ZXDC: variants seen among roughly 807,000 people sequenced by gnomAD.
ZXDC encodes ZXD family zinc finger C, also known as zinc finger protein ZXDC.
In ZXDC, 58 loss-of-function variants were observed where a neutral mutation model predicts 63.6. The ratio of observed to expected loss-of-function variants is 0.91; its 90% CI spans 0.74 to 1.13. The LOEUF (loss-of-function observed/expected upper bound fraction) is 1.13. Among genes scored for constraint, ZXDC ranks in the 50% most tolerant of loss-of-function variants. ZXDC has a pLI of 0.00. For missense variants in ZXDC, 1,133 were observed against 1,148.9 expected, an observed-to-expected ratio of 0.99 and a Z score of 0.20; for synonymous variants, 561 against 496.1, an observed-to-expected ratio of 1.13 and a Z score of -1.74.
At chr3:126,441,602 G>C in intron 8 of ZXDC, 163 bp downstream of exon 8, 1 of 1,354,616 alleles carries the variant, frequency 7.4e-7, no homozygotes, top group Non-Finnish European at 9.5e-7. Context: ...GCTGGGCTGT[G>C]AGGAGACAGG....
intron 7 of ZXDC, among the ~76,000 whole-genome samples, chr3:126,446,744 A>G (rs572660094): frequency 1.5e-3 from 219 of 145,180 alleles, no homozygotes; most frequent in Non-Finnish European, 2.6e-3. Context: ...TAAAGATATA[A>G]TATGTTAATA....
At chr3:126,473,923 C>G (rs1347641286) in intron 1 of ZXDC, among the ~76,000 whole-genome samples, 1 of 152,144 alleles carries the variant, frequency 6.6e-6, no homozygotes, top group Non-Finnish European at 1.5e-5. Context: ...AGGGAGGAAT[C>G]CTTTCTTGCC....
chr3:126,449,554 G>A (rs939707549), intron 7 of ZXDC, among the ~76,000 whole-genome samples: 9 of 152,226 alleles, frequency 5.9e-5, no homozygotes, highest in Non-Finnish European at 1.3e-4. Context: ...CTGACCCTAC[G>A]ACTGATGCTT....
intron 6 of ZXDC, chr3:126,460,019 A>T: frequency 2.0e-6 from 2 of 985,440 alleles, no homozygotes; most frequent in Non-Finnish European, 2.4e-6. Flanking sequence ...AAACTTTTAA[A>T]ATCAATTACA....
In ZXDC at chr3:126,470,204, C is replaced by A. The variant is rs143025510; in HGVS notation, c.1270+691G>T. ...AAGTCAGGTTGGGCGTGGTGGCTCA[C>A]ACCTGTAATCCCAGCACTTTGGGAG... On this transcript the variant is annotated intron_variant, in intron 4 of 9. Coordinates refer to ENST00000389709, the MANE Select transcript of ZXDC (RefSeq NM_025112.5). 3.9e-3 allele frequency among the ~76,000 whole-genome samples: 599 copies of A among 152,324 alleles called. 1 individual carries two copies. Among genetic ancestry groups the A allele is most frequent in the African/African-American group, 0.014 (566 of 41,570 alleles).
Position 126,459,684 on chromosome 3 carries a change from T to A in ZXDC, c.2181A>T (p.Glu727Asp). 1.2e-6 allele frequency: 2 copies of A among 1,614,234 alleles called. No individual in the cohort carries two copies. Among genetic ancestry groups the A allele is most frequent in the South Asian group, 1.1e-5 (1 of 91,092 alleles). Reference protein sequence around the residue: ...TDYRAIQLAKEKKQRGAGSNA... With the variant: ...TDYRAIQLAKDKKQRGAGSNA... ...TGCTCCCCGCTCCTCTCTGCTTTTT[T>A]TCCTTGGCTAGTTGAATGGCTCGGT... The change falls in exon 7 of 10, where the codon GAA (glutamate) becomes GAT (aspartate). Residue 727 changes from glutamate (E) to aspartate (D), a missense_variant. Transcript: ENST00000389709.
At chr3:126,460,491 C>T (rs1464381753) in intron 6 of ZXDC, 2 of 984,084 alleles carry the variant, frequency 2.0e-6, no homozygotes, top group East Asian at 2.3e-4. Flanking sequence ...GGCTTCTCTA[C>T]CTCCACCCAC....
In ZXDC at chr3:126,441,787, C is replaced by T. The variant is rs1933687752; in HGVS notation, c.2372G>A (p.Gly791Asp). Residue 791 changes from glycine to aspartate, a missense_variant, in exon 8 of 10, where the codon GGC becomes GAC. Coordinates refer to ENST00000389709, the MANE Select transcript of ZXDC (RefSeq NM_025112.5). The part of the protein sequence containing the change: ...PAAGVQCGAQ[G>D]VQVQLVQDDP... Reference sequence around the variant, plus strand: ...CACCTGCACCAGCTGGACCTGGACGCCCTGCGCCCCGCACTGCACCCCAGC... The same window carrying T: ...CACCTGCACCAGCTGGACCTGGACGTCCTGCGCCCCGCACTGCACCCCAGC... The T allele has an allele frequency of 1.2e-6, 2 of 1,606,022 alleles. No homozygotes were observed. The highest frequency in any genetic ancestry group is 1.3e-5 in the African/African-American group (1 of 74,780).
chr3:126,462,133 T>C lies in ZXDC; in HGVS notation c.1529A>G (p.Asp510Gly). ...TGTGTCAGAGAAGAGTGCAGCAAGA[T>C]CCATGTTAGTGAGCTCACTTTGGCC... is the stretch of plus-strand genomic sequence containing the variant. ...SPGQSELTNM[D>G]LAALFSDTPA... Residue 510 changes from aspartate to glycine, a missense_variant, in exon 6 of 10, where the codon GAT becomes GGT. Transcript: ENST00000389709. 6.2e-7 allele frequency: 1 copy of C among 1,613,582 alleles called. No homozygotes were observed. The highest frequency in any genetic ancestry group is 8.5e-7 in the Non-Finnish European group (1 of 1,180,016).
chr3:126,451,809 C>A (rs1934111994), intron 7 of ZXDC: 9 of 985,370 alleles, frequency 9.1e-6, no homozygotes, highest in Non-Finnish European at 1.1e-5. Context: ...TCTGCTGATA[C>A]ACTCTGGGAA....
chr3:126,446,293 A>G (rs1933879308), intron 7 of ZXDC, among the ~76,000 whole-genome samples: 1 of 152,208 alleles, frequency 6.6e-6, no homozygotes, highest in Admixed American at 6.5e-5. Flanking sequence ...CTATCTAGGT[A>G]TGATGGTAAA....
chr3:126,443,809 T>C (rs545343142), intron 7 of ZXDC, among the ~76,000 whole-genome samples: 2 of 152,202 alleles, frequency 1.3e-5, no homozygotes, highest in Non-Finnish European at 2.9e-5. Context: ...TGGTTTGAAC[T>C]GTTACAACTG....
intron 7 of ZXDC, among the ~76,000 whole-genome samples, chr3:126,447,009 CT>C: frequency 6.6e-6 from 1 of 152,310 alleles, no homozygotes; most frequent in East Asian, 1.9e-4. Context: ...AGTGCTCACC[CT>C]TTGCTTAGGG....
Position 126,472,303 on chromosome 3 carries a change from A to G in ZXDC, c.910T>C (p.Cys304Arg). 1 of 1,604,614 alleles carries G rather than the reference A, an allele frequency of 6.2e-7. No homozygotes were observed. Reference sequence around the variant, plus strand: ...CTCACTGTGATAAATGTCTTCTCACAGCCTGAACAAGGAAAACACAAACCC... The same window carrying G: ...CTCACTGTGATAAATGTCTTCTCACGGCCTGAACAAGGAAAACACAAACCC... ...ERPYKCDFPG[C>R]EKTFITVSAL... Residue 304 changes from cysteine to arginine, a missense_variant and splice_region_variant, in exon 2 of 10, where the codon TGT (cysteine) becomes CGT (arginine). Cys to Arg is a radical substitution (Grantham distance 180). Coordinates refer to ENST00000389709, the MANE Select transcript of ZXDC (RefSeq NM_025112.5).
intron 7 of ZXDC, 46 bp from the exon 8 acceptor site, chr3:126,441,992 A>T (rs781123210): frequency 6.5e-7 from 1 of 1,541,908 alleles, no homozygotes; most frequent in Non-Finnish European, 8.7e-7. Context: ...ACAATCTACC[A>T]GTCAGGTCTG....
Position 126,475,598 on chromosome 3 carries a change from C to T in ZXDC, c.268G>A (p.Ala90Thr), listed in dbSNP as rs766782801. The T allele has an allele frequency of 6.8e-7, 1 of 1,468,858 alleles. No homozygotes were observed. The highest frequency in any genetic ancestry group is 9.0e-7 in the Non-Finnish European group (1 of 1,108,206). 91.0% of individuals were successfully genotyped at this position (1,468,858 alleles called of 1,614,324 possible). A position where few individuals can be genotyped will look rare whatever the true frequency, so the allele number is the denominator to read the frequency against. Residue 90 changes from alanine to threonine, a missense_variant, in exon 1 of 10, where the codon GCT becomes ACT. Coordinates refer to ENST00000389709, the MANE Select transcript of ZXDC (RefSeq NM_025112.5). ...EVPHGGAAAE[A>T]AGSQEAEPGS... Reference sequence around the variant, plus strand: ...GGCTCGGCCTCCTGTGATCCGGCAGCCTCGGCGGCAGCGCCGCCGTGCGGC... The same window carrying T: ...GGCTCGGCCTCCTGTGATCCGGCAGTCTCGGCGGCAGCGCCGCCGTGCGGC...
chr3:126,460,687 C>T, intron 6 of ZXDC: 6 of 985,378 alleles, frequency 6.1e-6, no homozygotes, highest in Non-Finnish European at 7.2e-6. Flanking sequence ...CTGCCACCGA[C>T]AAGCAAGACA....
intron 1 of ZXDC, 75 bp from the exon 2 acceptor site, chr3:126,472,380 AC>A: frequency 6.5e-7 from 1 of 1,542,008 alleles, no homozygotes; most frequent in Non-Finnish European, 8.9e-7. Context: ...AGTCACACCC[AC>A]CAGACCCTGT....
intron 5 of ZXDC, among the ~76,000 whole-genome samples, chr3:126,463,324 C>T (rs1226502287): frequency 6.6e-6 from 1 of 152,174 alleles, no homozygotes; most frequent in Non-Finnish European, 1.5e-5. Context: ...CCGCCTGGGC[C>T]TCCCAAAGTG....
Sources: gnomAD v4.1 joint callset for allele counts (sites outside exome capture counted in the v4.1 genomes callset) on GRCh38, gnomAD v4.1.1 for gene constraint, MANE v1.5 for transcripts, NCBI Gene and HGNC (gene_info 2026-07-23, HGNC 2026-07-21) for gene names.